CADM2: variants seen among roughly 807,000 people sequenced by gnomAD.
The protein encoded by CADM2 is immunoglobulin superfamily member 4D.
In CADM2, 12 loss-of-function variants were observed where a neutral mutation model predicts 49.8. The ratio of observed to expected loss-of-function variants is 0.24; its 90% confidence interval spans 0.15 to 0.39. CADM2 has a LOEUF of 0.39. Among genes scored for constraint, CADM2 ranks in the 10% least tolerant of loss-of-function variants. The pLI is 1.00. For synonymous variants in CADM2, 214 were observed against 175.4 expected (o/e 1.22, Z -1.74); for missense variants, 378 against 492.3 (o/e 0.77, Z 2.20).
At chr3:85,385,095 C>G (rs1285544934) in intron 1 of CADM2, among the ~76,000 whole-genome samples, 1 of 151,976 alleles carries the variant, frequency 6.6e-6, no homozygotes, top group East Asian at 1.9e-4. Context: ...TCCAGCACAC[C>G]TGCTAATTTT....
intron 1 of CADM2, among the ~76,000 whole-genome samples, chr3:85,687,504 G>A (rs2066251953): frequency 6.6e-6 from 1 of 151,954 alleles, no homozygotes; most frequent in Non-Finnish European, 1.5e-5. Context: ...TCTAAAAATG[G>A]GAGATTTGTT....
chr3:85,580,987 A>G (rs2062777916), intron 1 of CADM2, among the ~76,000 whole-genome samples: 2 of 152,020 alleles, frequency 1.3e-5, no homozygotes, highest in South Asian at 4.1e-4. Flanking sequence ...TAAAATGGAG[A>G]AGTATATTTG....
At chr3:85,948,893 G>T (rs190030431) in intron 7 of CADM2, among the ~76,000 whole-genome samples, 1 of 151,510 alleles carries the variant, frequency 6.6e-6, no homozygotes, top group African/African-American at 2.4e-5. Context: ...TCAAGGAAAA[G>T]AGAAAGGAAA....
intron 1 of CADM2, among the ~76,000 whole-genome samples, chr3:85,119,299 CCCCGGAG>C (rs2038761573): frequency 6.6e-6 from 1 of 152,046 alleles, no homozygotes; most frequent in Non-Finnish European, 1.5e-5. Context: ...GTACCAGCTA[CCCCGGAG>C]CCTGAGGTGG....
chr3:85,904,963 A>G lies in CADM2; in HGVS notation c.530-7410A>G, dbSNP rs568821485. The stretch of plus-strand genomic sequence containing the variant: ...ATTTTCTTTTTCCTTGTAAGTATAG[A>G]TAATGTTTAGTAATGTTATTCCCCC... On this transcript the variant is annotated intron_variant, in intron 5 of 9. Coordinates refer to ENST00000383699, the MANE Select transcript of CADM2 (RefSeq NM_001167675.2). Among the ~76,000 whole-genome samples the G allele has an allele frequency of 4.6e-5, 7 of 152,272 alleles. No homozygotes were observed. In the South Asian group the frequency reaches 1.4e-3, roughly 32 times the overall value.
At chr3:85,771,086 G>T (rs887243718) in intron 2 of CADM2, among the ~76,000 whole-genome samples, 1 of 152,048 alleles carries the variant, frequency 6.6e-6, no homozygotes, top group Admixed American at 6.6e-5. Context: ...TTATTTTTAA[G>T]AATTAGAAAA....
intron 8 of CADM2, among the ~76,000 whole-genome samples, chr3:85,976,813 G>A (rs188312799): frequency 2.0e-5 from 3 of 151,598 alleles, no homozygotes. Context: ...ACCAGGCTAT[G>A]TGTAAATAAT....
At chr3:85,214,596 G>A (rs1175251943) in intron 1 of CADM2, among the ~76,000 whole-genome samples, 4 of 151,986 alleles carry the variant, frequency 2.6e-5, no homozygotes, top group Non-Finnish European at 2.9e-5. Context: ...AGGGCCTGGA[G>A]TAGGGTACCT....
intron 8 of CADM2, among the ~76,000 whole-genome samples, chr3:86,046,795 T>C (rs537523997): frequency 1.9e-3 from 282 of 150,238 alleles, no homozygotes; most frequent in African/African-American, 6.6e-3. Context: ...CCCCTCATTG[T>C]GCTTATTAGT....
At chr3:85,802,287 C>A in intron 3 of CADM2, 91 bp downstream of exon 3, 2 of 1,113,080 alleles carry the variant, frequency 1.8e-6, no homozygotes, top group South Asian at 2.0e-5. Flanking sequence ...CAAACTATTC[C>A]TTTTGATTAC....
chr3:85,613,897 C>A lies in CADM2; in HGVS notation c.62-112625C>A, dbSNP rs144533774. ...CCCTTAGACAAGTTTTATAAATTCA[C>A]TAAGAATCAGTTTTTCTGTATCTAA... On this transcript the variant is annotated intron_variant, in intron 1 of 9. Coordinates refer to ENST00000383699, the MANE Select transcript of CADM2 (RefSeq NM_001167675.2). Among the ~76,000 whole-genome samples the A allele has an allele frequency of 6.1e-3, 931 of 151,676 alleles. 4 individuals are homozygous for A. Among genetic ancestry groups the A allele is most frequent in the Middle Eastern group, 0.01 (3 of 294 alleles).
chr3:85,646,034 G>A (rs1282131159), intron 1 of CADM2, among the ~76,000 whole-genome samples: 2 of 151,934 alleles, frequency 1.3e-5, no homozygotes, highest in African/African-American at 2.4e-5. Flanking sequence ...TGATGTCCCT[G>A]ATCAATGCAA....
intron 3 of CADM2, among the ~76,000 whole-genome samples, chr3:85,854,468 T>C (rs1410095155): frequency 1.3e-5 from 2 of 152,200 alleles, no homozygotes; most frequent in Non-Finnish European, 2.9e-5. Context: ...GATGAATTCA[T>C]GTCCTTTGCA....
chr3:85,530,318 CTCCGTTTTT>C (rs1178620246), intron 1 of CADM2, among the ~76,000 whole-genome samples: 1 of 122,128 alleles, frequency 8.2e-6, no homozygotes, highest in East Asian at 2.9e-4. Context: ...GACTTCTTTT[CTCCGTTTTT>C]TTTTTTTTTT....
chr3:86,043,475 G>T (rs935922387), intron 8 of CADM2, among the ~76,000 whole-genome samples: 1 of 152,106 alleles, frequency 6.6e-6, no homozygotes, highest in Non-Finnish European at 1.5e-5. Flanking sequence ...ATTCACAATT[G>T]CTTCAAAGAG....
At chr3:86,025,007 T>G (rs1425967115) in intron 8 of CADM2, among the ~76,000 whole-genome samples, 3 of 151,736 alleles carry the variant, frequency 2.0e-5, no homozygotes, top group African/African-American at 7.3e-5. Context: ...GCCTTCTGAG[T>G]AGCTGGGATT....
At chr3:86,018,571 T>C (rs1732655781) in intron 8 of CADM2, among the ~76,000 whole-genome samples, 1 of 152,238 alleles carries the variant, frequency 6.6e-6, no homozygotes, top group African/African-American at 2.4e-5. Flanking sequence ...ATTGCCATTC[T>C]AACTGGTGTG....
intron 1 of CADM2, among the ~76,000 whole-genome samples, chr3:85,012,763 A>G (rs1427414898): frequency 2.0e-5 from 3 of 151,276 alleles, no homozygotes; most frequent in East Asian, 3.9e-4. Flanking sequence ...TTATTTCTAT[A>G]TTATAGAAAT....
chr3:85,931,301 T>A (rs1720557332), intron 6 of CADM2, among the ~76,000 whole-genome samples: 1 of 152,004 alleles, frequency 6.6e-6, no homozygotes, highest in South Asian at 2.1e-4. Context: ...TAGCCAGGCA[T>A]GGTGGAGCAC....
Sources: allele counts gnomAD v4.1 joint callset (sites outside exome capture counted in the v4.1 genomes callset), GRCh38; gene constraint gnomAD v4.1.1; transcripts MANE v1.5; gene names NCBI Gene and HGNC (gene_info 2026-07-23, HGNC 2026-07-21).